The following AIG1 variants were observed in gnomAD, a reference collection of about 807,000 sequenced individuals.
The protein encoded by AIG1 is androgen induced 1.
Under a neutral mutation model 31.4 loss-of-function variants are expected in AIG1, and 23 were observed. The observed-to-expected ratio is 0.73, with a 90% confidence interval of 0.53 to 1.04. AIG1 has a LOEUF of 1.04. AIG1 is among the 50% of genes least tolerant of loss of function. AIG1 has a pLI of 0.00. For synonymous variants in AIG1, 100 were observed against 110.5 expected, an observed-to-expected ratio of 0.90 and a Z score of 0.60; for missense variants, 274 against 295.0, an observed-to-expected ratio of 0.93 and a Z score of 0.52.
intron 3 of AIG1, among the ~76,000 whole-genome samples, chr6:143,211,194 T>G (rs529480996): frequency 6.6e-6 from 1 of 152,274 alleles, no homozygotes; most frequent in East Asian, 1.9e-4. Flanking sequence ...AAGTATGGAT[T>G]GAAACCCAGG....
At chr6:143,071,276 C>G (rs982499876) in intron 1 of AIG1, among the ~76,000 whole-genome samples, 5 of 152,122 alleles carry the variant, frequency 3.3e-5, no homozygotes, top group African/African-American at 1.2e-4. Flanking sequence ...TAGTTCGTTC[C>G]TTTTTAATTG....
chr6:143,187,942 C>G, intron 3 of AIG1: 1 of 1,268,958 alleles, frequency 7.9e-7, no homozygotes, highest in Non-Finnish European at 9.9e-7. Flanking sequence ...AGGAATGATA[C>G]TTGCTCTTGA....
intron 3 of AIG1, chr6:143,190,193 G>C: frequency 2.0e-6 from 2 of 984,784 alleles, no homozygotes; most frequent in Non-Finnish European, 2.4e-6. Context: ...AGCAGGATGA[G>C]AAAAAGAAAG....
rs116651507 is a variant in AIG1, at chr6:143,275,211, A to G, written c.400-8899A>G. On this transcript the variant is annotated intron_variant, in intron 3 of 5. Transcript: ENST00000357847. ...TGCAGAGAGGTGAGGAAGAGGTGTG[A>G]GGCTGAGGAAGTGGCCTAGAAGAAA... Among the ~76,000 whole-genome samples the G allele has an allele frequency of 9.9e-4, 150 of 152,270 alleles. 1 individual carries two copies. The highest frequency in any genetic ancestry group is 3.5e-3 in the African/African-American group (147 of 41,556).
At chr6:143,253,574 A>G (rs1293002984) in intron 3 of AIG1, among the ~76,000 whole-genome samples, 2 of 152,208 alleles carry the variant, frequency 1.3e-5, no homozygotes, top group African/African-American at 4.8e-5. Context: ...AGTGCATATA[A>G]ATAGATTATT....
At chr6:143,332,521 C>G (rs1583900493) in intron 4 of AIG1, among the ~76,000 whole-genome samples, 1 of 152,138 alleles carries the variant, frequency 6.6e-6, no homozygotes, top group Admixed American at 6.5e-5. Flanking sequence ...AAAATGAAAT[C>G]AATGTCACAT....
At chr6:143,081,252 C>T (rs967812908) in intron 1 of AIG1, among the ~76,000 whole-genome samples, 6 of 152,258 alleles carry the variant, frequency 3.9e-5, no homozygotes, top group South Asian at 4.2e-4. Flanking sequence ...TCGTGGCCTC[C>T]AGGCACAGTG....
rs1189658435 is a variant in AIG1, at chr6:143,280,991, C to T, written c.400-3119C>T. Among the ~76,000 whole-genome samples the T allele has an allele frequency of 3.9e-5, 6 of 152,104 alleles. No homozygotes were observed. The highest frequency in any genetic ancestry group is 3.9e-4 in the Admixed American group (6 of 15,272). On this transcript the variant is annotated intron_variant, in intron 3 of 5. Coordinates refer to ENST00000357847, the MANE Select transcript of AIG1 (RefSeq NM_016108.4). The surrounding 1 kb of genome is among the most constrained non-coding windows in gnomAD (Gnocchi z 4.1). ...CAAAAATCATTTTTTACAGTGAAGACCTTTTTATTTGTTTTGAGGCCCAAC... is the reference window on the plus strand; with the variant it reads ...CAAAAATCATTTTTTACAGTGAAGATCTTTTTATTTGTTTTGAGGCCCAAC...
At chr6:143,309,785 G>A (rs2128706099) in intron 4 of AIG1, among the ~76,000 whole-genome samples, 1 of 151,886 alleles carries the variant, frequency 6.6e-6, no homozygotes. Context: ...GACACAGCTG[G>A]GCTAAGAGTA....
chr6:143,272,992 C>T (rs1012752774), intron 3 of AIG1, among the ~76,000 whole-genome samples: 6 of 152,080 alleles, frequency 3.9e-5, no homozygotes, highest in African/African-American at 1.2e-4. Context: ...AGCTGGGCAT[C>T]GTGATCGGCA....
chr6:143,188,598 C>A (rs1789493465), intron 3 of AIG1: 1 of 985,142 alleles, frequency 1.0e-6, no homozygotes, highest in Non-Finnish European at 1.2e-6. Flanking sequence ...GTCATCTATT[C>A]TCTTATGCCA....
At chr6:143,117,085 G>T (rs1019920665) in intron 1 of AIG1, among the ~76,000 whole-genome samples, 6 of 152,066 alleles carry the variant, frequency 3.9e-5, no homozygotes, top group African/African-American at 1.4e-4. Context: ...TTGCTGTCAG[G>T]TGCCTTTAAC....
At position 143,268,077 on chromosome 6, in the gene AIG1, T is replaced by A. The variant is rs1251361314; in HGVS notation, c.400-16033T>A. On this transcript the variant is annotated intron_variant, in intron 3 of 5. Coordinates refer to ENST00000357847, the MANE Select transcript of AIG1 (RefSeq NM_016108.4). The surrounding 1 kb of genome is among the most constrained non-coding windows in gnomAD (Gnocchi z 5.0). ...TGCTGATCTGAAGCTGGCCAAAATA[T>A]ATATCCATGATGAATTATAATAAAA... Among the ~76,000 whole-genome samples the A allele has an allele frequency of 1.3e-5, 2 of 152,226 alleles. No individual in the cohort carries two copies. Among genetic ancestry groups the A allele is most frequent in the East Asian group, 3.8e-4 (2 of 5,196 alleles).
chr6:143,285,846 T>C (rs1247331988), intron 4 of AIG1, among the ~76,000 whole-genome samples: 1 of 152,054 alleles, frequency 6.6e-6, no homozygotes, highest in Admixed American at 6.5e-5. Context: ...ACTAAAGTTG[T>C]GTCTTAAAAA....
intron 1 of AIG1, among the ~76,000 whole-genome samples, chr6:143,090,483 A>G (rs1779203814): frequency 6.6e-6 from 1 of 152,254 alleles, no homozygotes; most frequent in African/African-American, 2.4e-5. Flanking sequence ...ATTGTTTTCC[A>G]ATATAGGCAT....
chr6:143,137,403 G>A (rs1783863044), intron 2 of AIG1, among the ~76,000 whole-genome samples: 1 of 152,178 alleles, frequency 6.6e-6, no homozygotes, highest in Non-Finnish European at 1.5e-5. Flanking sequence ...TCCAAATACA[G>A]TCACATTGTG....
At chr6:143,165,305 A>C in intron 3 of AIG1, 122 bp downstream of exon 3, 1 of 692,256 alleles carries the variant, frequency 1.4e-6, no homozygotes, top group Non-Finnish European at 2.5e-6. Flanking sequence ...GAAGGTTATA[A>C]TGGGAGATTA....
chr6:143,113,386 C>T (rs1375863493), intron 1 of AIG1, among the ~76,000 whole-genome samples: 2 of 151,802 alleles, frequency 1.3e-5, no homozygotes, highest in African/African-American at 2.4e-5. Flanking sequence ...GGGCGGATCA[C>T]GAGGTCAGGA....
intron 2 of AIG1, among the ~76,000 whole-genome samples, chr6:143,151,217 C>T (rs1004705735): frequency 1.3e-5 from 2 of 152,068 alleles, no homozygotes; most frequent in African/African-American, 2.4e-5. Context: ...ATAAGAAAGC[C>T]CCACAGAAAG....
Sources: gnomAD v4.1 joint callset for allele counts (sites outside exome capture counted in the v4.1 genomes callset) on GRCh38, gnomAD v4.1.1 for gene constraint, Gnocchi (gnomAD v3.1) non-coding constraint, MANE v1.5 for transcripts, NCBI Gene and HGNC (gene_info 2026-07-23, HGNC 2026-07-21) for gene names.